NLRP14: variants seen among roughly 807,000 people sequenced by gnomAD.
NLRP14 encodes the protein NACHT, LRR and PYD domains-containing protein 14.
A neutral mutation model predicts 94.7 loss-of-function variants in NLRP14; 105 were observed. That is an observed-to-expected ratio of 1.11 (90% confidence interval 0.95 to 1.30). The LOEUF (loss-of-function observed/expected upper bound fraction) is 1.30, where lower values mean the gene tolerates loss of function less well. NLRP14 is among the 50% of genes most tolerant of loss of function. The probability of loss-of-function intolerance (pLI) is 0.00; values close to 1 mark genes in which losing one functional copy is unlikely to be tolerated. For missense variants in NLRP14, 1,362 were observed against 1,254.1 expected, an observed-to-expected ratio of 1.09 and a Z score of -1.30; for synonymous variants, 508 against 459.9, an observed-to-expected ratio of 1.10 and a Z score of -1.34.
the NLRP14 span, among the ~76,000 whole-genome samples, chr11:7,082,442 G>A: frequency 1.3e-5 from 2 of 152,142 alleles, no homozygotes; most frequent in African/African-American, 2.4e-5. Context: ...TCATGAAAAT[G>A]TCTCCTGGGA....
the NLRP14 span, chr11:7,090,356 AC>A: frequency 5.9e-6 from 9 of 1,524,578 alleles, no homozygotes; most frequent in Non-Finnish European, 8.0e-6. Context: ...AAAAAGAAGA[AC>A]CTGTTGTATG....
chr11:7,089,715 C>G, the NLRP14 span: 31 of 1,526,666 alleles, frequency 2.0e-5, no homozygotes, highest in South Asian at 3.6e-4. Flanking sequence ...CCGGGAGCCG[C>G]TGCCCCCGCG....
intron 1 of NLRP14, among the ~76,000 whole-genome samples, chr11:7,034,548 A>T (rs1479063774): frequency 1.3e-5 from 2 of 152,222 alleles, no homozygotes; most frequent in South Asian, 2.1e-4. Flanking sequence ...TTATTAATTT[A>T]CACTTCAGTT....
chr11:7,031,262 T>A (rs1852090908), intron 1 of NLRP14, among the ~76,000 whole-genome samples: 1 of 152,202 alleles, frequency 6.6e-6, no homozygotes, highest in South Asian at 2.1e-4. Flanking sequence ...GATGCGTACT[T>A]TGTCCACTCT....
At chr11:7,079,017 A>G in the NLRP14 span, among the ~76,000 whole-genome samples, 3 of 152,172 alleles carry the variant, frequency 2.0e-5, no homozygotes, top group African/African-American at 7.2e-5. Flanking sequence ...TTCTAGTTGG[A>G]AAGAGTCTCA....
intron 1 of NLRP14, among the ~76,000 whole-genome samples, chr11:7,027,972 C>T (rs566187024): frequency 1.1e-4 from 17 of 152,152 alleles, no homozygotes; most frequent in African/African-American, 4.1e-4. Context: ...ATTTTATTAC[C>T]GCCTCCCAGG....
At chr11:7,059,295 AT>A (rs1254245177) in intron 8 of NLRP14, among the ~76,000 whole-genome samples, 3 of 151,606 alleles carry the variant, frequency 2.0e-5, no homozygotes, top group Non-Finnish European at 4.4e-5. Context: ...TAAGTTTAAA[AT>A]TTTTTGTGAT....
chr11:7,020,938 G>A (rs1447376536), intron 1 of NLRP14, among the ~76,000 whole-genome samples, 168 bp downstream of exon 1: 1 of 152,214 alleles, frequency 6.6e-6, no homozygotes, highest in East Asian at 1.9e-4. Flanking sequence ...ATGAGAAGGA[G>A]CCCCTCCTCA....
In NLRP14 at chr11:7,038,591, C is replaced by G; in HGVS notation, c.5C>G (p.Ala2Gly). The change falls in exon 2 of 12, where the codon GCA becomes GGA. Residue 2 changes from alanine to glycine, a missense_variant. Ala to Gly is a moderately conservative substitution (Grantham distance 60). Transcript: ENST00000299481. ...AGGCCTGAATATTTGGACAAGATGG[C>G]AGATTCATCATCATCTTCTTTCTTT... The part of the protein sequence containing the change: M[A>G]DSSSSSFFPD... 1 of 1,613,500 alleles carries G rather than the reference C, an allele frequency of 6.2e-7. No homozygotes were observed. The highest frequency in any genetic ancestry group is 8.5e-7 in the Non-Finnish European group (1 of 1,179,860).
chr11:7,057,204 T>C (rs984837649), intron 6 of NLRP14, among the ~76,000 whole-genome samples: 2 of 152,016 alleles, frequency 1.3e-5, no homozygotes, highest in Admixed American at 6.6e-5. Flanking sequence ...GATTTACTTA[T>C]TGTTTTTCAC....
Position 7,043,241 on chromosome 11 carries a change from T to C in NLRP14, c.1215T>C (p.Ser405=). 2 of 1,614,168 alleles carry C rather than the reference T, an allele frequency of 1.2e-6. No individual in the cohort carries two copies. The highest frequency in any genetic ancestry group is 1.1e-5 in the South Asian group (1 of 91,074). Residue 405 remains serine (S), a synonymous_variant, in exon 4 of 12, where the codon TCT becomes TCC. Coordinates refer to ENST00000299481, the MANE Select transcript of NLRP14 (RefSeq NM_176822.4). ...TTTALFTCYI[S]SLFTPVDGGS... Reference sequence around the variant, plus strand: ...CAGCTCTGTTTACCTGCTATATTTCTAGCTTGTTCACACCAGTAGATGGAG... The same window carrying C: ...CAGCTCTGTTTACCTGCTATATTTCCAGCTTGTTCACACCAGTAGATGGAG...
intron 6 of NLRP14, among the ~76,000 whole-genome samples, chr11:7,053,500 TGTAA>T (rs897440015): frequency 6.0e-5 from 9 of 149,982 alleles, no homozygotes; most frequent in African/African-American, 1.9e-4. Context: ...AAAATATTAG[TGTAA>T]GTAATATGTC....
intron 8 of NLRP14, among the ~76,000 whole-genome samples, chr11:7,059,199 ATAT>A (rs1316523243): frequency 4.7e-5 from 7 of 150,096 alleles, no homozygotes; most frequent in African/African-American, 1.2e-4. Context: ...AATATCACAT[ATAT>A]TATTATTTTT....
At chr11:7,041,684 AT>A (rs1852252717) in intron 3 of NLRP14, among the ~76,000 whole-genome samples, 1 of 152,312 alleles carries the variant, frequency 6.6e-6, no homozygotes, top group Admixed American at 6.5e-5. Flanking sequence ...AAATAAAGTA[AT>A]TGTAGCTAGT....
At chr11:7,076,705 A>G in the NLRP14 span, among the ~76,000 whole-genome samples, 4 of 151,572 alleles carry the variant, frequency 2.6e-5, no homozygotes, top group African/African-American at 9.7e-5. Flanking sequence ...TTCTACCACT[A>G]TCACAGATAT....
the NLRP14 span, chr11:7,089,548 G>C: frequency 1.7e-6 from 2 of 1,201,780 alleles, no homozygotes; most frequent in Non-Finnish European, 2.1e-6. Flanking sequence ...CGGCCCTCCA[G>C]GGCCCCGATG....
chr11:7,042,577 C>T lies in NLRP14; in HGVS notation c.551C>T (p.Ala184Val). The T allele has an allele frequency of 6.2e-7, 1 of 1,614,192 alleles. No homozygotes were observed. Among genetic ancestry groups the T allele is most frequent in the Non-Finnish European group, 8.5e-7 (1 of 1,180,016 alleles). Reference sequence around the variant, plus strand: ...CCACAGATCGTGGTGCTTCAGGGAGCTGCTGGAGTTGGGAAAACAACCTTG... The same window carrying T: ...CCACAGATCGTGGTGCTTCAGGGAGTTGCTGGAGTTGGGAAAACAACCTTG... ...AQPQIVVLQG[A>V]AGVGKTTLVR... The change falls in exon 4 of 12, where the codon GCT becomes GTT. Residue 184 changes from alanine (A) to valine (V), a missense_variant. Coordinates refer to ENST00000299481, the MANE Select transcript of NLRP14 (RefSeq NM_176822.4).
At chr11:7,035,529 G>A (rs1852149368) in intron 1 of NLRP14, among the ~76,000 whole-genome samples, 1 of 152,190 alleles carries the variant, frequency 6.6e-6, no homozygotes, top group South Asian at 2.1e-4. Flanking sequence ...CGCACGTATA[G>A]TATCCCCCAA....
intron 10 of NLRP14, among the ~76,000 whole-genome samples, chr11:7,063,812 G>A (rs1053517617): frequency 1.3e-5 from 2 of 152,044 alleles, no homozygotes; most frequent in Admixed American, 6.6e-5. Context: ...TCCCACAGGG[G>A]TCTGACTCAG....
Sources: allele counts gnomAD v4.1 joint callset (sites outside exome capture counted in the v4.1 genomes callset), GRCh38; gene constraint gnomAD v4.1.1; transcripts MANE v1.5; gene names NCBI Gene and HGNC (gene_info 2026-07-23, HGNC 2026-07-21).